The following RBFOX1 variants were observed in gnomAD, a reference collection of about 807,000 sequenced individuals.
The protein encoded by RBFOX1 is RNA binding protein fox-1 homolog 1.
A neutral mutation model predicts 57.7 loss-of-function variants in RBFOX1; 8 were observed. The ratio of observed to expected loss-of-function variants is 0.14; its 90% CI spans 0.08 to 0.25. The LOEUF (loss-of-function observed/expected upper bound fraction) is 0.25. Ranked by LOEUF, RBFOX1 falls within the 10% of genes least tolerant of loss-of-function variation. The pLI, the probability that RBFOX1 is intolerant of heterozygous loss-of-function variation, is 1.00. For synonymous variants in RBFOX1, 326 were observed against 222.4 expected (o/e 1.47, Z -4.15); for missense variants, 611 against 548.5 (o/e 1.11, Z -1.14).
chr16:7,169,379 A>T (rs955386581), intron 4 of RBFOX1, among the ~76,000 whole-genome samples: 1 of 152,202 alleles, frequency 6.6e-6, no homozygotes. Flanking sequence ...ATTACTTGTT[A>T]TGGGCCAGGG....
At chr16:7,357,440 A>G (rs142133314) in intron 4 of RBFOX1, among the ~76,000 whole-genome samples, 84 of 152,282 alleles carry the variant, frequency 5.5e-4, no homozygotes, top group African/African-American at 1.9e-3. Context: ...TTGCAGTGGA[A>G]CCATCCAGGT....
At chr16:6,365,003 G>A (rs1056096291) in intron 2 of RBFOX1, among the ~76,000 whole-genome samples, 1 of 152,026 alleles carries the variant, frequency 6.6e-6, no homozygotes, top group African/African-American at 2.4e-5. Context: ...TGTGTGGGAG[G>A]GTACCTCCTT....
chr16:7,343,462 C>G (rs994490439), intron 4 of RBFOX1, among the ~76,000 whole-genome samples: 1 of 152,102 alleles, frequency 6.6e-6, no homozygotes, highest in African/African-American at 2.4e-5. Context: ...AGTACAAGGG[C>G]TTTGTTGAGG....
chr16:5,389,346 C>G (rs1348757555), intron 1 of RBFOX1, among the ~76,000 whole-genome samples: 2 of 152,262 alleles, frequency 1.3e-5, no homozygotes, highest in East Asian at 3.9e-4. Flanking sequence ...GCTCTATGGA[C>G]GTTTGGGGCT....
chr16:7,707,718 G>A (rs1299581238), intron 14 of RBFOX1, among the ~76,000 whole-genome samples: 1 of 152,120 alleles, frequency 6.6e-6, no homozygotes, highest in East Asian at 1.9e-4. Flanking sequence ...GAAAACTTAT[G>A]TAGGCATTAA....
chr16:7,292,328 A>T (rs952017768), intron 4 of RBFOX1, among the ~76,000 whole-genome samples: 1 of 133,332 alleles, frequency 7.5e-6, no homozygotes, highest in Non-Finnish European at 1.5e-5. Flanking sequence ...TATATCATAT[A>T]TCATACATGA....
chr16:7,633,012 C>G (rs2142867905), intron 11 of RBFOX1, among the ~76,000 whole-genome samples: 1 of 152,162 alleles, frequency 6.6e-6, no homozygotes, highest in South Asian at 2.1e-4. Flanking sequence ...AATAAAATAG[C>G]TGAAGCATAG....
chr16:5,587,882 C>T (rs965873683), intron 2 of RBFOX1, among the ~76,000 whole-genome samples: 6 of 152,140 alleles, frequency 3.9e-5, no homozygotes, highest in Non-Finnish European at 2.9e-5. Context: ...AAGTATCAAC[C>T]TATGTCCTCA....
At chr16:6,174,584 G>C (rs530955900) in intron 1 of RBFOX1, among the ~76,000 whole-genome samples, 5 of 152,070 alleles carry the variant, frequency 3.3e-5, no homozygotes, top group African/African-American at 9.7e-5. Flanking sequence ...GACAGAGTGA[G>C]AGCCTATCTC....
chr16:6,884,853 G>C (rs541854224), intron 3 of RBFOX1, among the ~76,000 whole-genome samples: 1 of 152,278 alleles, frequency 6.6e-6, no homozygotes, highest in East Asian at 1.9e-4. Context: ...AGCCCAGAGT[G>C]CTCCACTGCA....
chr16:5,945,782 G>A (rs903063166), intron 4 of RBFOX1, among the ~76,000 whole-genome samples: 3 of 152,182 alleles, frequency 2.0e-5, no homozygotes, highest in African/African-American at 4.8e-5. Context: ...TGGCTACCCA[G>A]TGAGGCTCTA....
At chr16:7,294,128 A>C (rs1397909615) in intron 4 of RBFOX1, among the ~76,000 whole-genome samples, 2 of 152,136 alleles carry the variant, frequency 1.3e-5, no homozygotes, top group African/African-American at 2.4e-5. Flanking sequence ...CAGAAGTCGA[A>C]ACACAGAGAG....
chr16:5,485,570 T>C (rs1286228987), intron 2 of RBFOX1, among the ~76,000 whole-genome samples: 2 of 152,154 alleles, frequency 1.3e-5, no homozygotes. Flanking sequence ...AAATGGATTT[T>C]AATATTTATT....
At chr16:7,121,498 A>G (rs746734851) in intron 4 of RBFOX1, among the ~76,000 whole-genome samples, 4 of 152,110 alleles carry the variant, frequency 2.6e-5, no homozygotes, top group Non-Finnish European at 4.4e-5. Flanking sequence ...ATACTTAGCT[A>G]TAAATATAAC....
At chr16:7,514,455 G>T (rs1234535399) in intron 4 of RBFOX1, among the ~76,000 whole-genome samples, 1 of 152,156 alleles carries the variant, frequency 6.6e-6, no homozygotes, top group Non-Finnish European at 1.5e-5. Flanking sequence ...GACAGGGAAT[G>T]TGGCACAGTG....
chr16:5,400,659 A>T (rs1396145444), intron 1 of RBFOX1, among the ~76,000 whole-genome samples: 1 of 150,576 alleles, frequency 6.6e-6, no homozygotes, highest in African/African-American at 2.5e-5. Flanking sequence ...CCAGTTGGGC[A>T]TGATTGATTT....
chr16:6,448,156 C>CTTTTTTTTTT lies in RBFOX1; in HGVS notation c.-64+131111_-64+131120dup, dbSNP rs397969435. ...TTCTTTTTTTTCTTTTCTTTTCTTTCTTTTTTTTTTTTTTTTTTTTTGAGA... is the reference window on the plus strand; with the variant it reads ...TTCTTTTTTTTCTTTTCTTTTCTTTCTTTTTTTTTTTTTTTTTTTTTTTTTTTTTTTGAGA... On this transcript the variant is annotated intron_variant, in intron 2 of 15. Transcript: ENST00000550418. Among the ~76,000 whole-genome samples, 229 of 78,462 alleles carry CTTTTTTTTTT rather than the reference C, an allele frequency of 2.9e-3. 4 individuals are homozygous for CTTTTTTTTTT. Among genetic ancestry groups the CTTTTTTTTTT allele is most frequent in the African/African-American group, 3.9e-3 (69 of 17,850 alleles). The allele number at this position is 78,462 out of a possible 152,430, so 51.5% of individuals were successfully genotyped here. A position where few individuals can be genotyped will look rare whatever the true frequency, so the allele number is the denominator to read the frequency against.
intron 1 of RBFOX1, among the ~76,000 whole-genome samples, chr16:5,314,953 C>G (rs1020024781): frequency 1.3e-5 from 2 of 151,320 alleles, no homozygotes; most frequent in African/African-American, 4.9e-5. Flanking sequence ...AAGGAGCCCA[C>G]AAAAGTGAAA....
At chr16:6,519,387 C>T (rs1293042978) in intron 2 of RBFOX1, among the ~76,000 whole-genome samples, 1 of 152,098 alleles carries the variant, frequency 6.6e-6, no homozygotes, top group African/African-American at 2.4e-5. Context: ...CTTGGGAAAA[C>T]CCAGAGAATA....
Sources: allele counts gnomAD v4.1 joint callset (sites outside exome capture counted in the v4.1 genomes callset), GRCh38; gene constraint gnomAD v4.1.1; transcripts MANE v1.5; gene names NCBI Gene and HGNC (gene_info 2026-07-23, HGNC 2026-07-21).